The following FYB1 variants were observed in gnomAD, a reference collection of about 807,000 sequenced individuals.
FYB1 encodes FYN-binding protein 1.
A neutral mutation model predicts 94.1 loss-of-function variants in FYB1; 41 were observed. The ratio of observed to expected loss-of-function variants is 0.44; its 90% CI spans 0.34 to 0.57. The LOEUF is 0.57. Ranked by LOEUF, FYB1 falls within the 20% of genes least tolerant of loss-of-function variation. FYB1 has a pLI of 0.02. For missense variants in FYB1, 1,050 were observed against 976.8 expected (o/e 1.07, Z -1.00); for synonymous variants, 367 against 353.2 (o/e 1.04, Z -0.44).
chr5:39,209,499 T>C (rs1351417117), intron 1 of FYB1, among the ~76,000 whole-genome samples: 2 of 152,070 alleles, frequency 1.3e-5, no homozygotes. Context: ...CTAATTTTTG[T>C]ATTTTTAATA....
chr5:39,240,660 T>A (rs1344422065), intron 1 of FYB1, among the ~76,000 whole-genome samples: 3 of 152,004 alleles, frequency 2.0e-5, no homozygotes, highest in Non-Finnish European at 4.4e-5. Context: ...TATTAAAAAG[T>A]CAAAAAATAA....
intron 2 of FYB1, among the ~76,000 whole-genome samples, chr5:39,155,282 C>A (rs1160108371): frequency 8.5e-5 from 13 of 152,214 alleles, no homozygotes; most frequent in Admixed American, 8.5e-4. Flanking sequence ...TCTGACCTCA[C>A]CCTAGTGTTT....
intron 2 of FYB1, among the ~76,000 whole-genome samples, chr5:39,177,795 C>T (rs556118090): frequency 9.2e-5 from 14 of 152,276 alleles, no homozygotes; most frequent in African/African-American, 3.4e-4. Flanking sequence ...TGTCTTGCAG[C>T]TCTGGCTTTG....
At chr5:39,150,121 C>A (rs1743110167) in intron 3 of FYB1, among the ~76,000 whole-genome samples, 2 of 152,066 alleles carry the variant, frequency 1.3e-5, no homozygotes, top group Non-Finnish European at 2.9e-5. Flanking sequence ...CCGCACTGGG[C>A]CCCAGAAGAC....
chr5:39,273,426 G>T (rs912778329), intron 1 of FYB1, among the ~76,000 whole-genome samples: 4 of 152,176 alleles, frequency 2.6e-5, no homozygotes, highest in Non-Finnish European at 5.9e-5. Context: ...AAAAATATAT[G>T]TCAAACATCA....
At chr5:39,138,182 C>T (rs1034780984) in intron 6 of FYB1, 1 of 166,336 alleles carries the variant, frequency 6.0e-6, no homozygotes, top group Non-Finnish European at 1.3e-5. Context: ...ATATTCATTT[C>T]TACTTTCACC....
upstream of FYB1, among the ~76,000 whole-genome samples, chr5:39,222,861 C>A (rs959433500): frequency 6.6e-5 from 10 of 151,958 alleles, no homozygotes; most frequent in African/African-American, 2.4e-4. Flanking sequence ...GATGATGATG[C>A]TGATAATTAC....
At chr5:39,181,848 T>C (rs1276906574) in intron 2 of FYB1, among the ~76,000 whole-genome samples, 1 of 152,200 alleles carries the variant, frequency 6.6e-6, no homozygotes, top group African/African-American at 2.4e-5. Context: ...GATTACTACA[T>C]GATCTCCTAC....
intron 18 of FYB1, 58 bp from the exon 19 acceptor site, chr5:39,107,523 T>C: frequency 7.9e-7 from 1 of 1,269,456 alleles, no homozygotes. Flanking sequence ...CTCTAAGTAT[T>C]CCAAGTTTGG....
At chr5:39,152,880 C>T (rs538452224) in intron 3 of FYB1, among the ~76,000 whole-genome samples, 9 of 152,288 alleles carry the variant, frequency 5.9e-5, no homozygotes, top group African/African-American at 2.2e-4. Context: ...GTTTAAAGCA[C>T]ACTTACTTTG....
intron 3 of FYB1, among the ~76,000 whole-genome samples, chr5:39,142,938 C>G (rs1332376226): frequency 1.3e-5 from 2 of 152,168 alleles, no homozygotes; most frequent in Non-Finnish European, 2.9e-5. Context: ...CTTCTTGTCT[C>G]TCTGGCTACT....
In FYB1 at chr5:39,157,720, G is replaced by A. The variant is rs72734750; in HGVS notation, c.1136-4116C>T. ...ATGGACCTCATCTCCCAAAGCTCAG[G>A]GGGGGAATGCCTGGGTATCTGTGAT... On this transcript the variant is annotated intron_variant, in intron 2 of 18. Coordinates refer to ENST00000512982, the MANE Select transcript of FYB1 (RefSeq NM_001465.6). Among the ~76,000 whole-genome samples the A allele has an allele frequency of 3.9e-5, 6 of 152,058 alleles. 1 individual carries two copies. In the South Asian group the frequency reaches 8.3e-4, roughly 21 times the overall value.
At chr5:39,232,068 A>G (rs918573589) in intron 1 of FYB1, among the ~76,000 whole-genome samples, 2 of 152,146 alleles carry the variant, frequency 1.3e-5, no homozygotes, top group Non-Finnish European at 2.9e-5. Flanking sequence ...AAATAGGTCA[A>G]TGTAGAACAA....
At chr5:39,157,178 AT>A (rs999093530) in intron 2 of FYB1, among the ~76,000 whole-genome samples, 15 of 151,360 alleles carry the variant, frequency 9.9e-5, no homozygotes, top group Admixed American at 7.2e-4. Context: ...AACTCTAGTC[AT>A]TTTTTTTTAT....
intron 3 of FYB1, among the ~76,000 whole-genome samples, chr5:39,147,123 G>A (rs1742727049): frequency 6.6e-6 from 1 of 152,098 alleles, no homozygotes; most frequent in African/African-American, 2.4e-5. Context: ...TATTCAATAA[G>A]GCCTCTCACT....
At chr5:39,169,727 A>G (rs1014046793) in intron 2 of FYB1, 10 of 473,668 alleles carry the variant, frequency 2.1e-5, no homozygotes, top group African/African-American at 2.0e-4. Context: ...TAGATAGTTC[A>G]TGTGATTTGC....
intron 1 of FYB1, among the ~76,000 whole-genome samples, chr5:39,270,168 A>G (rs980630642): frequency 3.9e-5 from 6 of 152,200 alleles, no homozygotes; most frequent in Non-Finnish European, 7.3e-5. Context: ...TGTGTTATCA[A>G]AATGGCAATC....
rs112727685 is a variant in FYB1 at position 39,178,061 on chromosome 5, C to T, written c.1135+23765G>A. 7.5e-3 allele frequency among the ~76,000 whole-genome samples: 1,142 copies of T among 152,300 alleles called. 12 individuals are homozygous for T. The highest frequency in any genetic ancestry group is 0.011 in the Non-Finnish European group (774 of 68,020). On this transcript the variant is annotated intron_variant, in intron 2 of 18. Coordinates refer to ENST00000512982, the MANE Select transcript of FYB1 (RefSeq NM_001465.6). ...ATCTGTTACCTGCATTGACCTCATGCAGCATTTCCCCCAAAGTTAATTCCT... is the reference window on the plus strand; with the variant it reads ...ATCTGTTACCTGCATTGACCTCATGTAGCATTTCCCCCAAAGTTAATTCCT...
At chr5:39,216,148 G>C (rs73072511) in intron 1 of FYB1, among the ~76,000 whole-genome samples, 1,576 of 152,190 alleles carry the variant, frequency 0.01, 23 homozygotes, top group African/African-American at 0.036. Flanking sequence ...CCAAAACTGA[G>C]GGAGAATAGA....
Sources: gnomAD v4.1 joint callset for allele counts (sites outside exome capture counted in the v4.1 genomes callset) on GRCh38, gnomAD v4.1.1 for gene constraint, MANE v1.5 for transcripts, NCBI Gene and HGNC (gene_info 2026-07-23, HGNC 2026-07-21) for gene names.